The following CHST11 variants were observed in gnomAD, a reference collection of about 807,000 sequenced individuals.
The protein encoded by CHST11 is C4S-1.
In CHST11, 9 loss-of-function variants were observed where a neutral mutation model predicts 30.4. The observed-to-expected ratio is 0.30, with a 90% CI of 0.18 to 0.52. The LOEUF (loss-of-function observed/expected upper bound fraction) is 0.52. Ranked by LOEUF, CHST11 falls within the 20% of genes least tolerant of loss-of-function variation. The pLI, the probability that CHST11 is intolerant of heterozygous loss-of-function variation, is 0.97. For missense variants in CHST11, 348 were observed against 460.6 expected (o/e 0.76, Z 2.24); for synonymous variants, 152 against 187.8 (o/e 0.81, Z 1.56).
intron 2 of CHST11, among the ~76,000 whole-genome samples, chr12:104,633,484 G>A (rs531209953): frequency 3.7e-5 from 5 of 135,804 alleles, no homozygotes; most frequent in South Asian, 2.3e-4. Context: ...GCGTGATCTC[G>A]GCTCACTGCA....
intron 2 of CHST11, among the ~76,000 whole-genome samples, chr12:104,631,345 G>A (rs962696341): frequency 7.9e-5 from 12 of 152,274 alleles, no homozygotes; most frequent in African/African-American, 2.6e-4. Context: ...TTTTATTGAC[G>A]GTGGTAGCGG....
intron 1 of CHST11, among the ~76,000 whole-genome samples, chr12:104,536,684 C>T (rs1030019115): frequency 1.3e-5 from 2 of 152,192 alleles, no homozygotes; most frequent in African/African-American, 4.8e-5. Context: ...CAACAGCAAC[C>T]TCACAGGGCT....
chr12:104,574,670 G>C (rs2038664013), intron 1 of CHST11, among the ~76,000 whole-genome samples: 1 of 150,706 alleles, frequency 6.6e-6, no homozygotes, highest in Admixed American at 6.6e-5. Flanking sequence ...GAGAACACTT[G>C]AACACAGGAA....
At chr12:104,464,005 G>A (rs2037434482) in intron 1 of CHST11, among the ~76,000 whole-genome samples, 1 of 152,104 alleles carries the variant, frequency 6.6e-6, no homozygotes, top group Admixed American at 6.5e-5. Context: ...CTTGGGGCAG[G>A]GAGGCAAGGA....
chr12:104,602,234 G>A (rs1234642583), intron 2 of CHST11: 12 of 531,494 alleles, frequency 2.3e-5, no homozygotes, highest in Non-Finnish European at 3.6e-5. Context: ...CCTGCCCAGG[G>A]TTTGAACTCC....
intron 2 of CHST11, among the ~76,000 whole-genome samples, chr12:104,609,925 G>A (rs990380101): frequency 3.3e-5 from 5 of 152,116 alleles, no homozygotes; most frequent in Non-Finnish European, 7.3e-5. Flanking sequence ...CTCTTGCCTG[G>A]AAGCTACTAG....
At chr12:104,711,435 C>T (rs927286956) in intron 2 of CHST11, among the ~76,000 whole-genome samples, 1 of 152,190 alleles carries the variant, frequency 6.6e-6, no homozygotes. Flanking sequence ...AATGATCCCT[C>T]CTTCCCTTAT....
intron 2 of CHST11, among the ~76,000 whole-genome samples, chr12:104,669,410 G>T (rs2039670060): frequency 7.2e-6 from 1 of 139,826 alleles, no homozygotes; most frequent in South Asian, 2.4e-4. Flanking sequence ...TCTCAGAAAT[G>T]GTGCAAATGA....
chr12:104,514,020 A>T, intron 1 of CHST11: 1 of 788,252 alleles, frequency 1.3e-6, no homozygotes, highest in Non-Finnish European at 2.2e-6. Context: ...GGGAGTGCAG[A>T]CTTAAAAAAT....
intron 1 of CHST11, among the ~76,000 whole-genome samples, chr12:104,467,739 TAG>T (rs1247698382): frequency 2.0e-5 from 3 of 152,244 alleles, no homozygotes; most frequent in Admixed American, 6.5e-5. Context: ...GGGTTTCTGT[TAG>T]AAACTGTTAA....
At chr12:104,472,350 C>G (rs1268967801) in intron 1 of CHST11, among the ~76,000 whole-genome samples, 1 of 151,882 alleles carries the variant, frequency 6.6e-6, no homozygotes, top group Non-Finnish European at 1.5e-5. Flanking sequence ...TATCTTAAGG[C>G]TCAACATGTT....
At chr12:104,460,809 C>T (rs2037401212) in intron 1 of CHST11, among the ~76,000 whole-genome samples, 1 of 152,114 alleles carries the variant, frequency 6.6e-6, no homozygotes, top group Admixed American at 6.5e-5. Flanking sequence ...ATCAGTTGCA[C>T]AAGGGTTTAG....
intron 1 of CHST11, among the ~76,000 whole-genome samples, chr12:104,459,920 C>G (rs2037391082): frequency 6.6e-6 from 1 of 152,208 alleles, no homozygotes; most frequent in Admixed American, 6.5e-5. Flanking sequence ...AGTTGAAAGG[C>G]CTTCCTTATT....
chr12:104,499,951 A>G (rs750436679), intron 1 of CHST11, among the ~76,000 whole-genome samples: 7 of 152,196 alleles, frequency 4.6e-5, no homozygotes, highest in Non-Finnish European at 1.0e-4. Context: ...GGTGGTAAAT[A>G]AGATTCATAC....
chr12:104,555,381 T>C (rs2038445418), intron 1 of CHST11, among the ~76,000 whole-genome samples: 1 of 152,232 alleles, frequency 6.6e-6, no homozygotes. Flanking sequence ...TTTTACTTTT[T>C]AGATTTGTGG....
rs1422027251 is a variant in CHST11, at chr12:104,729,649, C to T, written c.205-27300C>T. ...AGCGTAAGGTCTAGCGTATTGTCTT[C>T]TCGCAACTTGAACCTTGCTGGAGAA... On this transcript the variant is annotated intron_variant, in intron 2 of 2. Coordinates refer to ENST00000303694, the MANE Select transcript of CHST11 (RefSeq NM_018413.6). The surrounding 1 kb of genome is among the most constrained non-coding windows in gnomAD (Gnocchi z 4.0). Among the ~76,000 whole-genome samples the T allele has an allele frequency of 6.6e-6, 1 of 152,198 alleles. No homozygotes were observed. The highest frequency in any genetic ancestry group is 1.5e-5 in the Non-Finnish European group (1 of 68,042).
intron 1 of CHST11, among the ~76,000 whole-genome samples, chr12:104,491,617 T>C (rs2037747630): frequency 6.6e-6 from 1 of 152,078 alleles, no homozygotes; most frequent in African/African-American, 2.4e-5. Context: ...TACAGGTTTG[T>C]GCCACCACAC....
chr12:104,524,004 T>A (rs1183256433), intron 1 of CHST11, among the ~76,000 whole-genome samples: 1 of 151,740 alleles, frequency 6.6e-6, no homozygotes, highest in Non-Finnish European at 1.5e-5. Context: ...AGCTGCAGTG[T>A]TCAGGAAAGC....
rs192126833 is a variant in CHST11, at chr12:104,698,512, G to A, written c.205-58437G>A. Among the ~76,000 whole-genome samples the A allele has an allele frequency of 1.2e-3, 180 of 152,258 alleles. 2 individuals carry two copies. The highest frequency in any genetic ancestry group is 2.6e-3 in the African/African-American group (107 of 41,548). On this transcript the variant is annotated intron_variant, in intron 2 of 2. Transcript: ENST00000303694. ...TCACCTGTCTCTTCAGCTACAGTGC[G>A]CGCTCTGTAATTCCAAAGTTCTCAC... is the stretch of plus-strand genomic sequence containing the variant.
Sources: allele counts gnomAD v4.1 joint callset (sites outside exome capture counted in the v4.1 genomes callset), GRCh38; gene constraint gnomAD v4.1.1; non-coding constraint Gnocchi (gnomAD v3.1); transcripts MANE v1.5; gene names NCBI Gene and HGNC (gene_info 2026-07-23, HGNC 2026-07-21).